The following TAF3 variants were observed in gnomAD, a reference collection of about 807,000 sequenced individuals.
The protein encoded by TAF3 is TATA-box binding protein associated factor 3, also known as transcription initiation factor TFIID subunit 3.
TAF3 carries 7 observed loss-of-function variants against 80.6 expected under a neutral mutation model. The ratio of observed to expected loss-of-function variants is 0.09; its 90% confidence interval spans 0.05 to 0.16. The LOEUF is 0.16. Ranked by LOEUF, TAF3 falls within the 10% of genes least tolerant of loss-of-function variation. The pLI is 1.00. For synonymous variants in TAF3, 444 were observed against 446.1 expected (o/e 1.00, Z 0.06); for missense variants, 921 against 1,140.2 (o/e 0.81, Z 2.77).
At chr10:7,959,138 TCACA>T (rs113376582) in intron 2 of TAF3, among the ~76,000 whole-genome samples, 45,530 of 149,704 alleles carry the variant, frequency 0.3, 7,793 homozygotes, top group Non-Finnish European at 0.38. Flanking sequence ...AGATTCTGTC[TCACA>T]CACACACACA....
At chr10:7,978,004 C>T (rs1472491114) in intron 4 of TAF3, among the ~76,000 whole-genome samples, 4 of 152,052 alleles carry the variant, frequency 2.6e-5, no homozygotes, top group Non-Finnish European at 4.4e-5. Context: ...TTACCTGATC[C>T]TAATAAGATA....
intron 6 of TAF3, 105 bp from the exon 7 acceptor site, chr10:8,014,532 C>T (rs10905267): frequency 0.057 from 54,277 of 950,160 alleles, 3,913 homozygotes; most frequent in African/African-American, 0.28. Flanking sequence ...ACTTTGATTT[C>T]GGGTAAACAT....
chr10:7,821,455 C>G (rs571625892), intron 1 of TAF3, among the ~76,000 whole-genome samples: 1 of 152,130 alleles, frequency 6.6e-6, no homozygotes, highest in African/African-American at 2.4e-5. Flanking sequence ...CAATCCCTGA[C>G]CATAAGGTGT....
chr10:7,961,308 C>A (rs1838187733), intron 2 of TAF3, among the ~76,000 whole-genome samples: 1 of 152,150 alleles, frequency 6.6e-6, no homozygotes, highest in African/African-American at 2.4e-5. Flanking sequence ...GAATCGGTAG[C>A]ATAATTGATG....
At chr10:7,952,203 G>A (rs960354623) in intron 2 of TAF3, among the ~76,000 whole-genome samples, 3 of 152,098 alleles carry the variant, frequency 2.0e-5, no homozygotes, top group Non-Finnish European at 4.4e-5. Flanking sequence ...CTTAAAGGAA[G>A]ATGATTAAAA....
chr10:8,014,816 G>GAGCT lies in TAF3; in HGVS notation c.*66_*69dup. 1 of 1,418,544 alleles carries GAGCT rather than the reference G, an allele frequency of 7.0e-7. No homozygotes were observed. Among genetic ancestry groups the GAGCT allele is most frequent in the Non-Finnish European group, 9.6e-7 (1 of 1,045,324 alleles). 87.9% of individuals were successfully genotyped at this position (1,418,544 alleles called of 1,614,324 possible). ...CTTCTTCCCTGGCGCCTCTGGAAGG[G>GAGCT]AGCTGGTGCAAGTCTGCCGTCACAT... On this transcript the variant is annotated 3_prime_UTR_variant, in exon 7 of 7. Coordinates refer to ENST00000344293, the MANE Select transcript of TAF3 (RefSeq NM_031923.4).
At chr10:7,832,392 G>T (rs567873796) in intron 2 of TAF3, among the ~76,000 whole-genome samples, 1 of 152,006 alleles carries the variant, frequency 6.6e-6, no homozygotes, top group South Asian at 2.1e-4. Flanking sequence ...TTTAAAGGCT[G>T]AATAATAATA....
intron 3 of TAF3, among the ~76,000 whole-genome samples, chr10:7,976,193 C>T (rs79380963): frequency 0.015 from 2,293 of 152,024 alleles, 61 homozygotes; most frequent in African/African-American, 0.052. Flanking sequence ...CAGCCATTGC[C>T]TTCACCACAA....
rs753875564 is a variant in TAF3 at position 7,866,475 on chromosome 10, A to G, written c.409+41915A>G. On this transcript the variant is annotated intron_variant, in intron 2 of 6. Transcript: ENST00000344293. ...GAGAGCCAGTCATCGTGACCAGCAAAGAAGAGTGTGCTAGACAGAGAAGAG... is the reference window on the plus strand; with the variant it reads ...GAGAGCCAGTCATCGTGACCAGCAAGGAAGAGTGTGCTAGACAGAGAAGAG... 3.3e-5 allele frequency among the ~76,000 whole-genome samples: 5 copies of G among 152,320 alleles called. No individual in the cohort carries two copies. In the South Asian group the frequency reaches 8.3e-4, roughly 25 times the overall value.
intron 2 of TAF3, among the ~76,000 whole-genome samples, chr10:7,860,202 G>A (rs142117945): frequency 0.029 from 4,344 of 151,722 alleles, 89 homozygotes; most frequent in South Asian, 0.084. Flanking sequence ...AGCCTGGGAG[G>A]CAGAGGTTGC....
At chr10:7,824,686 C>G in intron 2 of TAF3, 126 bp downstream of exon 2, 1 of 1,237,894 alleles carries the variant, frequency 8.1e-7, no homozygotes, top group East Asian at 2.4e-5. Flanking sequence ...CTGTTACTTA[C>G]AAATTATTCT....
chr10:7,860,397 G>A (rs554264022), intron 2 of TAF3, among the ~76,000 whole-genome samples: 1 of 152,094 alleles, frequency 6.6e-6, no homozygotes, highest in East Asian at 1.9e-4. Flanking sequence ...GAATAAAGTT[G>A]TACCTTTGCC....
chr10:7,840,189 G>A (rs370164376), intron 2 of TAF3, among the ~76,000 whole-genome samples: 58 of 149,070 alleles, frequency 3.9e-4, no homozygotes, highest in African/African-American at 1.4e-3. Context: ...GTCTCACACT[G>A]TCACCCGGGC....
chr10:7,858,704 C>T (rs1269215592), intron 2 of TAF3, among the ~76,000 whole-genome samples: 1 of 152,156 alleles, frequency 6.6e-6, no homozygotes, highest in Non-Finnish European at 1.5e-5. Flanking sequence ...ATGCTTAGAA[C>T]CGTGGCCGGG....
chr10:7,858,856 G>A (rs549673323), intron 2 of TAF3, among the ~76,000 whole-genome samples: 1 of 152,222 alleles, frequency 6.6e-6, no homozygotes, highest in South Asian at 2.1e-4. Flanking sequence ...CTGAATGTAC[G>A]TGTGAGTGTG....
intron 2 of TAF3, among the ~76,000 whole-genome samples, chr10:7,956,536 G>T (rs1838137844): frequency 6.6e-6 from 1 of 152,080 alleles, no homozygotes; most frequent in South Asian, 2.1e-4. Context: ...TGTTGACCTG[G>T]AACCATTGAT....
chr10:7,879,200 C>T (rs1588536060), intron 2 of TAF3, among the ~76,000 whole-genome samples: 1 of 152,024 alleles, frequency 6.6e-6, no homozygotes, highest in East Asian at 1.9e-4. Context: ...TTTATATGTT[C>T]TATTTGCCCT....
At chr10:7,984,072 G>T (rs1588576548) in intron 4 of TAF3, among the ~76,000 whole-genome samples, 1 of 152,006 alleles carries the variant, frequency 6.6e-6, no homozygotes. Context: ...AGTTTGATAC[G>T]TCATTCTTGC....
At chr10:7,893,878 T>C (rs923453939) in intron 2 of TAF3, among the ~76,000 whole-genome samples, 1 of 152,100 alleles carries the variant, frequency 6.6e-6, no homozygotes, top group Non-Finnish European at 1.5e-5. Flanking sequence ...TATACCCATA[T>C]TCATTTCATC....
Sources: gnomAD v4.1 joint callset for allele counts (sites outside exome capture counted in the v4.1 genomes callset) on GRCh38, gnomAD v4.1.1 for gene constraint, MANE v1.5 for transcripts, NCBI Gene and HGNC (gene_info 2026-07-23, HGNC 2026-07-21) for gene names.